The following ABCC2 variants were observed in gnomAD, a reference collection of about 807,000 sequenced individuals.
The protein encoded by ABCC2 is ATP binding cassette subfamily C member 2, also known as ATP-binding cassette sub-family C member 2.
ABCC2 carries 157 observed loss-of-function variants against 173.4 expected under a neutral mutation model. The ratio of observed to expected loss-of-function variants is 0.91; its 90% confidence interval spans 0.80 to 1.03. ABCC2 has a LOEUF of 1.03. Ranked by LOEUF, ABCC2 falls within the 50% of genes least tolerant of loss-of-function variation. The pLI is 0.00. For synonymous variants in ABCC2, 657 were observed against 693.5 expected, an observed-to-expected ratio of 0.95 and a Z score of 0.83; for missense variants, 1,822 against 1,852.3, an observed-to-expected ratio of 0.98 and a Z score of 0.30.
At chr10:99,807,013 A>G (rs1330865046) in intron 11 of ABCC2, among the ~76,000 whole-genome samples, 1 of 152,236 alleles carries the variant, frequency 6.6e-6, no homozygotes, top group Non-Finnish European at 1.5e-5. Context: ...GCCTCTCTCA[A>G]CTTGTTTCCT....
intron 2 of ABCC2, among the ~76,000 whole-genome samples, chr10:99,788,395 C>T (rs2037755602): frequency 6.6e-6 from 1 of 152,100 alleles, no homozygotes; most frequent in Non-Finnish European, 1.5e-5. Flanking sequence ...TTTGATTAGA[C>T]TTCAGTCATA....
chr10:99,844,576 G>A, intron 28 of ABCC2, 111 bp downstream of exon 28: 1 of 1,430,362 alleles, frequency 7.0e-7, no homozygotes, highest in Non-Finnish European at 9.7e-7. Flanking sequence ...GGAGGGAAAG[G>A]GTCAGGGCAC....
intron 10 of ABCC2, 99 bp from the exon 11 acceptor site, chr10:99,805,283 G>C (rs1175972839): frequency 1.3e-5 from 14 of 1,065,166 alleles, no homozygotes; most frequent in Non-Finnish European, 1.9e-5. Context: ...CTTACTAAGT[G>C]ACAGCCACAA....
intron 7 of ABCC2, chr10:99,797,589 A>G: frequency 2.2e-6 from 1 of 445,380 alleles, no homozygotes. Flanking sequence ...ATACCTTAGC[A>G]TTTCTAGATT....
chr10:99,832,467 A>C (rs1301734753), intron 23 of ABCC2, among the ~76,000 whole-genome samples: 1 of 152,202 alleles, frequency 6.6e-6, no homozygotes, highest in East Asian at 1.9e-4. Flanking sequence ...AGCCTGCGTG[A>C]TAAAGGTGGG....
At chr10:99,799,013 A>G (rs2037966826) in intron 7 of ABCC2, among the ~76,000 whole-genome samples, 194 bp from the exon 8 acceptor site, 1 of 152,122 alleles carries the variant, frequency 6.6e-6, no homozygotes, top group South Asian at 2.1e-4. Flanking sequence ...TCTAAAATAG[A>G]TTACAAGTAT....
At chr10:99,841,670 A>G (rs1342285651) in intron 25 of ABCC2, among the ~76,000 whole-genome samples, 1 of 152,234 alleles carries the variant, frequency 6.6e-6, no homozygotes, top group Non-Finnish European at 1.5e-5. Flanking sequence ...AACATTGTAT[A>G]TTAACAGTTG....
At chr10:99,825,519 C>G (rs2038620561) in intron 19 of ABCC2, among the ~76,000 whole-genome samples, 1 of 152,284 alleles carries the variant, frequency 6.6e-6, no homozygotes, top group Non-Finnish European at 1.5e-5. Flanking sequence ...CTTCCAAACC[C>G]TCCTGTTCTT....
At position 99,832,034 on chromosome 10, in the gene ABCC2, A is replaced by G. The variant is rs1012313021; in HGVS notation, c.3161A>G (p.Asn1054Ser). ...WSAFGFVHAS[N>S]ILHKQLLNNI... ...GCCTTTGGTTTCGTCCATGCATCAA[A>G]TATCTTGCACAAGCAACTGCTGAAC... is the stretch of plus-strand genomic sequence containing the variant. Residue 1054 changes from asparagine (N) to serine (S), a missense_variant, in exon 23 of 32, where the codon AAT becomes AGT. By Grantham distance (46) the Asn-to-Ser change is conservative. Coordinates refer to ENST00000647814, the MANE Select transcript of ABCC2 (RefSeq NM_000392.5). The G allele has an allele frequency of 2.5e-6, 4 of 1,614,102 alleles. No individual in the cohort carries two copies. The African/African-American group carries it at 4.0e-5, about 16-fold the overall frequency.
chr10:99,795,773 A>C (rs1202030496), intron 6 of ABCC2, among the ~76,000 whole-genome samples: 3 of 145,860 alleles, frequency 2.1e-5, no homozygotes, highest in Non-Finnish European at 4.4e-5. Context: ...GAAAGAAAGA[A>C]AGAAAGAAAG....
chr10:99,851,717 A>G lies in ABCC2; in HGVS notation c.*86A>G. The G allele has an allele frequency of 7.7e-7, 1 of 1,291,700 alleles. No homozygotes were observed. The highest frequency in any genetic ancestry group is 2.6e-5 in the East Asian group (1 of 38,836). The allele number at this position is 1,291,700 out of a possible 1,614,324, so 80.0% of individuals were successfully genotyped here. ...TTATAAAATACAGAATACATACAAA[A>G]GTGTGTATAAAATGTACGTTTTAAA... is the stretch of plus-strand genomic sequence containing the variant. On this transcript the variant is annotated 3_prime_UTR_variant, in exon 32 of 32. Coordinates refer to ENST00000647814, the MANE Select transcript of ABCC2 (RefSeq NM_000392.5).
intron 23 of ABCC2, among the ~76,000 whole-genome samples, chr10:99,834,109 C>T (rs753879885): frequency 2.0e-5 from 3 of 152,062 alleles, no homozygotes; most frequent in Admixed American, 6.6e-5. Context: ...CTTGAACTCC[C>T]GATCTCAGGT....
At chr10:99,849,278 GCAAA>G (rs1288449067) in intron 30 of ABCC2, among the ~76,000 whole-genome samples, 6 of 152,218 alleles carry the variant, frequency 3.9e-5, no homozygotes, top group African/African-American at 1.4e-4. Context: ...AAATACAGAG[GCAAA>G]CAGAGACACA....
At chr10:99,840,624 G>C (rs1215072574) in intron 25 of ABCC2, among the ~76,000 whole-genome samples, 1 of 149,814 alleles carries the variant, frequency 6.7e-6, no homozygotes, top group African/African-American at 2.4e-5. Flanking sequence ...TCCTGCCTCA[G>C]CCTCAGCCTC....
chr10:99,792,086 C>T, intron 2 of ABCC2, 148 bp from the exon 3 acceptor site: 1 of 984,514 alleles, frequency 1.0e-6, no homozygotes, highest in Non-Finnish European at 1.6e-6. Flanking sequence ...ATCACTTGAA[C>T]TGTATGTATC....
chr10:99,800,654 G>C, intron 9 of ABCC2, 91 bp downstream of exon 9: 1 of 1,430,374 alleles, frequency 7.0e-7, no homozygotes, highest in South Asian at 1.2e-5. Flanking sequence ...GATGGAAATG[G>C]TAACTTATCT....
intron 13 of ABCC2, among the ~76,000 whole-genome samples, chr10:99,809,112 G>A (rs1039186708): frequency 3.3e-5 from 5 of 152,170 alleles, no homozygotes; most frequent in African/African-American, 1.2e-4. Flanking sequence ...CAACACTTTG[G>A]AAGGCTGAGG....
rs371696765 is a variant in ABCC2 at position 99,797,332 on chromosome 10, G to T, written c.867+1G>T. 1.2e-6 allele frequency: 2 copies of T among 1,610,254 alleles called. No individual in the cohort carries two copies. The highest frequency in any genetic ancestry group is 1.1e-5 in the South Asian group (1 of 90,366). ...TCAAAGCCAAGATGCCCTTGTCCTG[G>T]TAACTTTCCCTTGAGTGTCTGTGTG... is the stretch of plus-strand genomic sequence containing the variant. On this transcript the variant is annotated splice_donor_variant, in intron 7 of 31. Transcript: ENST00000647814. LOFTEE classifies it high-confidence loss of function.
intron 5 of ABCC2, 68 bp from the exon 6 acceptor site, chr10:99,794,345 T>C (rs2037859737): frequency 2.2e-6 from 3 of 1,392,682 alleles, no homozygotes; most frequent in South Asian, 1.2e-5. Context: ...AATCAGTTTC[T>C]GATTTTAGAG....
Sources: allele counts gnomAD v4.1 joint callset (sites outside exome capture counted in the v4.1 genomes callset), GRCh38; gene constraint gnomAD v4.1.1; transcripts MANE v1.5; gene names NCBI Gene and HGNC (gene_info 2026-07-23, HGNC 2026-07-21).